Variants in PTGR1 observed in about 807,000 individuals in gnomAD.
PTGR1 encodes prostaglandin reductase 1, also known as 15-oxoprostaglandin 13-reductase.
A neutral mutation model predicts 37.7 loss-of-function variants in PTGR1; 23 were observed. The ratio of observed to expected loss-of-function variants is 0.61; its 90% CI spans 0.44 to 0.86. The LOEUF (loss-of-function observed/expected upper bound fraction) is 0.86. Among genes scored for constraint, PTGR1 ranks in the 40% least tolerant of loss-of-function variants. PTGR1 has a pLI of 0.00. For synonymous variants in PTGR1, 134 were observed against 140.0 expected, an observed-to-expected ratio of 0.96 and a Z score of 0.30; for missense variants, 351 against 394.3, an observed-to-expected ratio of 0.89 and a Z score of 0.93.
chr9:111,597,533 T>G lies in PTGR1; in HGVS notation c.-10-101A>C, dbSNP rs1336065563. ...ACCAGACAGCACAATTACAATATCC[T>G]CAAATCCCATCATTATCATATCATG... On this transcript the variant is annotated intron_variant, in intron 1 of 9. Transcript: ENST00000407693. 4.5e-6 allele frequency: 3 copies of G among 662,620 alleles called. No individual in the cohort carries two copies. In the African/African-American group the frequency reaches 5.4e-5, roughly 12 times the overall value. The allele number at this position is 662,620 out of a possible 1,614,324, so 41.0% of individuals were successfully genotyped here.
At chr9:111,573,649 T>A (rs1468675465) in intron 8 of PTGR1, among the ~76,000 whole-genome samples, 2 of 152,086 alleles carry the variant, frequency 1.3e-5, no homozygotes, top group East Asian at 1.9e-4. Flanking sequence ...AGAAACAGAC[T>A]CTGTATGAGG....
At chr9:111,583,728 C>T in intron 5 of PTGR1, 139 bp from the exon 6 acceptor site, 1 of 660,140 alleles carries the variant, frequency 1.5e-6, no homozygotes, top group East Asian at 2.7e-5. Flanking sequence ...ATAAATATTG[C>T]CAGCCACTGT....
intron 6 of PTGR1, among the ~76,000 whole-genome samples, chr9:111,581,207 G>C (rs1463377139): frequency 1.3e-5 from 2 of 152,120 alleles, no homozygotes; most frequent in African/African-American, 4.8e-5. Context: ...GATTAAGAAA[G>C]TACAGAATTC....
intron 8 of PTGR1, among the ~76,000 whole-genome samples, chr9:111,570,506 C>T (rs1324172004): frequency 2.6e-5 from 4 of 151,992 alleles, no homozygotes; most frequent in African/African-American, 9.7e-5. Flanking sequence ...CGCGGTGGCT[C>T]ACACCTGTAA....
chr9:111,580,624 A>G (rs900134175), intron 6 of PTGR1, among the ~76,000 whole-genome samples: 1 of 152,086 alleles, frequency 6.6e-6, no homozygotes, highest in African/African-American at 2.4e-5. Context: ...GCGTGGTGGC[A>G]CATGCCTGTA....
chr9:111,579,569 T>C (rs2132397105), intron 6 of PTGR1, among the ~76,000 whole-genome samples: 1 of 152,160 alleles, frequency 6.6e-6, no homozygotes, highest in South Asian at 2.1e-4. Context: ...CTTATATTTT[T>C]TAAATTTTCA....
chr9:111,582,533 A>T (rs78064572), intron 6 of PTGR1, among the ~76,000 whole-genome samples: 7,713 of 152,244 alleles, frequency 0.051, 340 homozygotes, highest in East Asian at 0.15. Flanking sequence ...GTAGCCCATA[A>T]TATACCATAC....
intron 6 of PTGR1, 97 bp downstream of exon 6, chr9:111,583,375 C>G (rs1336176400): frequency 9.9e-7 from 1 of 1,008,618 alleles, no homozygotes; most frequent in East Asian, 2.4e-5. Flanking sequence ...GACAACTAGA[C>G]TATAAACTCC....
At chr9:111,554,356 C>T (rs1457054122) in intron 9 of PTGR1, among the ~76,000 whole-genome samples, 1 of 152,172 alleles carries the variant, frequency 6.6e-6, no homozygotes, top group African/African-American at 2.4e-5. Context: ...ATAACCCTAA[C>T]CTAACTTAAA....
intron 9 of PTGR1, among the ~76,000 whole-genome samples, chr9:111,552,234 G>GT (rs1439869047): frequency 1.3e-5 from 2 of 152,068 alleles, no homozygotes; most frequent in African/African-American, 4.8e-5. Context: ...AAATTCTTTT[G>GT]TAAGTCATCC....
intron 2 of PTGR1, among the ~76,000 whole-genome samples, chr9:111,596,202 G>A (rs1829775346): frequency 6.6e-6 from 1 of 152,200 alleles, no homozygotes; most frequent in African/African-American, 2.4e-5. Context: ...TTGTGTGCTT[G>A]TCTCCTTGCC....
chr9:111,592,936 G>T lies in PTGR1; in HGVS notation c.199C>A (p.Gln67Lys). 4 of 1,501,754 alleles carry T rather than the reference G, an allele frequency of 2.7e-6. No individual in the cohort carries two copies. The highest frequency in any genetic ancestry group is 3.5e-6 in the Non-Finnish European group (4 of 1,129,006). The allele number at this position is 1,501,754 out of a possible 1,614,324, so 93.0% of individuals were successfully genotyped here. The change falls in exon 4 of 10, where the codon CAA becomes AAA. Residue 67 changes from glutamine (Q) to lysine (K), a missense_variant. Coordinates refer to ENST00000407693, the MANE Select transcript of PTGR1 (RefSeq NM_001146108.2). ...LKEGDTMMGQ[Q>K]VAKVVESKNV... ...AATGGAAATAATTACTTGGCCACTT[G>T]CTGCCCCATCATTGTATCACCTTCC...
At chr9:111,594,405 C>A (rs1829715044) in intron 2 of PTGR1, 138 bp from the exon 3 acceptor site, 4 of 733,512 alleles carry the variant, frequency 5.5e-6, no homozygotes, top group South Asian at 4.6e-5. Flanking sequence ...TGCTCACTGC[C>A]TGGGTGACAG....
At position 111,563,164 on chromosome 9, in the gene PTGR1, A is replaced by C. The variant is rs746453470; in HGVS notation, c.947T>G (p.Met316Arg). Residue 316 changes from methionine to arginine, a missense_variant, in exon 10 of 10, where the codon ATG becomes AGG. Physicochemically the swap from Met to Arg is moderately conservative, Grantham distance 91. Transcript: ENST00000407693. The stretch of plus-strand genomic sequence containing the variant: ...CTTCCCCAAATTATCTCCTTTCAGC[A>C]TTCCCATAAATGCAGCTGGCATGTT... ...FENMPAAFMG[M>R]LKGDNLGKTI... The C allele has an allele frequency of 1.2e-6, 2 of 1,614,046 alleles. No homozygotes were observed. Among genetic ancestry groups the C allele is most frequent in the Non-Finnish European group, 8.5e-7 (1 of 1,179,968 alleles).
chr9:111,594,238 C>A lies in PTGR1; in HGVS notation c.136G>T (p.Val46Leu). 3 of 1,613,456 alleles carry A rather than the reference C, an allele frequency of 1.9e-6. No individual in the cohort carries two copies. Among genetic ancestry groups the A allele is most frequent in the Non-Finnish European group, 2.5e-6 (3 of 1,179,496 alleles). Residue 46 changes from valine (V) to leucine (L), a missense_variant, in exon 3 of 10, where the codon GTG becomes TTG. Val to Leu is a conservative substitution (Grantham distance 32). Coordinates refer to ENST00000407693, the MANE Select transcript of PTGR1 (RefSeq NM_001146108.2). ...EVLLEALFLTVDPYMRVAAKR... is the reference protein window; with the variant it reads ...EVLLEALFLTLDPYMRVAAKR... The stretch of plus-strand genomic sequence containing the variant: ...AAATAATACCTCATGTAGGGATCCA[C>A]GGTGAGGAACAAAGCTTCAAGCAGG...
intron 1 of PTGR1, 84 bp from the exon 2 acceptor site, chr9:111,597,516 G>T: frequency 1.3e-6 from 1 of 762,190 alleles, no homozygotes; most frequent in Non-Finnish European, 2.2e-6. Context: ...AGACCAGACA[G>T]CACAATTACA....
chr9:111,578,136 A>G (rs370419334), intron 7 of PTGR1, among the ~76,000 whole-genome samples: 2 of 152,188 alleles, frequency 1.3e-5, no homozygotes, highest in African/African-American at 4.8e-5. Context: ...TTTTTAAAAA[A>G]GGCATATATA....
intron 4 of PTGR1, among the ~76,000 whole-genome samples, chr9:111,590,110 A>C (rs1829564402): frequency 6.6e-6 from 1 of 152,196 alleles, no homozygotes; most frequent in South Asian, 2.1e-4. Context: ...TATCCTGAAC[A>C]TACGAGAAGC....
Position 111,592,743 on chromosome 9 carries a change from AT to A in PTGR1, c.209+182del. 6 of 741,752 alleles carry A rather than the reference AT, an allele frequency of 8.1e-6. No individual in the cohort carries two copies. The South Asian group carries it at 2.1e-4, about 26-fold the overall frequency. The allele number at this position is 741,752 out of a possible 1,614,324, so 45.9% of individuals were successfully genotyped here. A position where few individuals can be genotyped will look rare whatever the true frequency, so the allele number is the denominator to read the frequency against. On this transcript the variant is annotated intron_variant, in intron 4 of 9. Transcript: ENST00000407693. ...GAAGCTGAAAAAATGACAATTTCAC[AT>A]CCTTCCCTCCTTTCCAGCTAGTTAG...
Sources: allele counts gnomAD v4.1 joint callset (sites outside exome capture counted in the v4.1 genomes callset), GRCh38; gene constraint gnomAD v4.1.1; transcripts MANE v1.5; gene names NCBI Gene and HGNC (gene_info 2026-07-23, HGNC 2026-07-21).